Variants in NAV3 observed in about 807,000 individuals in gnomAD.
NAV3 encodes neuron navigator 3, also known as pore membrane and/or filament interacting like protein 1.
Under a neutral mutation model 244.7 loss-of-function variants are expected in NAV3, and 87 were observed. That is an observed-to-expected ratio of 0.36 (90% confidence interval 0.30 to 0.42). The LOEUF is 0.42. NAV3 is among the 20% of genes least tolerant of loss of function. The pLI, the probability that NAV3 is intolerant of heterozygous loss-of-function variation, is 1.00. For missense variants in NAV3, 2,663 were observed against 2,893.3 expected, an observed-to-expected ratio of 0.92 and a Z score of 1.83; for synonymous variants, 1,126 against 1,042.2, an observed-to-expected ratio of 1.08 and a Z score of -1.55.
intron 28 of NAV3, 84 bp from the exon 29 acceptor site, chr12:78,179,445 G>A: frequency 1.3e-6 from 2 of 1,508,990 alleles, no homozygotes; most frequent in Non-Finnish European, 1.8e-6. Context: ...GGAGAATATT[G>A]CAGTGCAGCC....
intron 2 of NAV3, among the ~76,000 whole-genome samples, chr12:77,601,716 A>T (rs1246676670): frequency 6.6e-6 from 1 of 152,000 alleles, no homozygotes; most frequent in Non-Finnish European, 1.5e-5. Flanking sequence ...CATGTTTTAT[A>T]GAAGATTATA....
At chr12:77,672,001 A>AAGATTT (rs1555193071) in intron 2 of NAV3, among the ~76,000 whole-genome samples, 36 of 152,238 alleles carry the variant, frequency 2.4e-4, no homozygotes, top group Non-Finnish European at 1.5e-5. Flanking sequence ...TTCACAATCT[A>AAGATTT]TGCCTCCGAC....
Position 78,050,744 on chromosome 12 carries a change from T to G in NAV3, c.2133-20T>G. 6.4e-7 allele frequency: 1 copy of G among 1,566,754 alleles called. No individual in the cohort carries two copies. The highest frequency in any genetic ancestry group is 1.8e-5 in the Admixed American group (1 of 56,726). On this transcript the variant is annotated intron_variant, in intron 10 of 39. Transcript: ENST00000397909. ...CCTAAGTGAACCAGAGTATAGTTATTTCTCCATTTTATTTGACAGCACCCT... is the reference window on the plus strand; with the variant it reads ...CCTAAGTGAACCAGAGTATAGTTATGTCTCCATTTTATTTGACAGCACCCT...
intron 2 of NAV3, among the ~76,000 whole-genome samples, chr12:77,628,241 A>G (rs1592518787): frequency 6.6e-6 from 1 of 152,244 alleles, no homozygotes; most frequent in East Asian, 1.9e-4. Context: ...GTATGCAGGT[A>G]TTAAAATATC....
chr12:78,016,242 T>C (rs1459382427), intron 8 of NAV3, among the ~76,000 whole-genome samples: 1 of 152,140 alleles, frequency 6.6e-6, no homozygotes, highest in Non-Finnish European at 1.5e-5. Context: ...GAAATTTATG[T>C]ATGCATACAC....
intron 9 of NAV3, chr12:78,036,673 A>C (rs1249348308): frequency 5.8e-6 from 3 of 513,010 alleles, no homozygotes; most frequent in Non-Finnish European, 1.0e-5. Context: ...GCTGATTAGT[A>C]AAGTGATGTG....
chr12:77,918,436 C>T lies in NAV3; in HGVS notation c.244-21883C>T, dbSNP rs566894133. Among the ~76,000 whole-genome samples, 5 of 152,184 alleles carry T rather than the reference C, an allele frequency of 3.3e-5. No individual in the cohort carries two copies. In the South Asian group the frequency reaches 1.0e-3, roughly 32 times the overall value. On this transcript the variant is annotated intron_variant, in intron 1 of 39. Transcript: ENST00000397909. ...GTTAGCTACTGATTTTCTTAGCACA[C>T]CCACACCTAGCATAGTTATTGGAAA...
intron 5 of NAV3, among the ~76,000 whole-genome samples, chr12:77,978,646 C>T (rs969156468): frequency 6.6e-6 from 1 of 151,736 alleles, no homozygotes; most frequent in African/African-American, 2.4e-5. Context: ...AAAAACTAAC[C>T]TCATCTCAAT....
intron 2 of NAV3, among the ~76,000 whole-genome samples, chr12:77,745,187 G>A (rs754572623): frequency 6.6e-6 from 1 of 152,016 alleles, no homozygotes; most frequent in African/African-American, 2.4e-5. Flanking sequence ...TAATATCTGA[G>A]TATCAAATTA....
chr12:77,869,986 A>G (rs1169147132), intron 1 of NAV3, among the ~76,000 whole-genome samples: 1 of 152,166 alleles, frequency 6.6e-6, no homozygotes, highest in Non-Finnish European at 1.5e-5. Context: ...TTTTGTTGTT[A>G]CTCAACTCAA....
chr12:77,653,787 T>G (rs1872937601), intron 2 of NAV3, among the ~76,000 whole-genome samples: 1 of 151,986 alleles, frequency 6.6e-6, no homozygotes, highest in South Asian at 2.1e-4. Context: ...TTCTTACATA[T>G]AAACACATAT....
intron 2 of NAV3, among the ~76,000 whole-genome samples, chr12:77,810,829 CTTAAG>C (rs1872252462): frequency 6.6e-6 from 1 of 152,092 alleles, no homozygotes; most frequent in African/African-American, 2.4e-5. Flanking sequence ...AAGTTGGTTT[CTTAAG>C]TTATCACTTA....
chr12:77,978,385 A>G (rs1052651518), intron 5 of NAV3, among the ~76,000 whole-genome samples: 2 of 152,284 alleles, frequency 1.3e-5, no homozygotes, highest in Admixed American at 6.5e-5. Context: ...GATATTTTCT[A>G]TCAAACACTA....
At chr12:77,663,324 A>G (rs1873554865) in intron 2 of NAV3, among the ~76,000 whole-genome samples, 1 of 152,234 alleles carries the variant, frequency 6.6e-6, no homozygotes, top group South Asian at 2.1e-4. Flanking sequence ...TCGCTTTTTA[A>G]GTCAAAAACA....
chr12:77,745,157 G>T (rs1240439313), intron 2 of NAV3, among the ~76,000 whole-genome samples: 2 of 151,980 alleles, frequency 1.3e-5, no homozygotes, highest in Non-Finnish European at 2.9e-5. Flanking sequence ...CCTAAGGGTT[G>T]CAGTAATTTT....
At chr12:77,862,728 T>C (rs76340886) in intron 1 of NAV3, among the ~76,000 whole-genome samples, 7,090 of 151,926 alleles carry the variant, frequency 0.047, 225 homozygotes, top group Non-Finnish European at 0.069. Context: ...TATCATTTCA[T>C]CGGTGGTGAT....
chr12:77,844,224 A>G (rs1592759655), intron 1 of NAV3, among the ~76,000 whole-genome samples: 2 of 152,166 alleles, frequency 1.3e-5, no homozygotes, highest in African/African-American at 4.8e-5. Context: ...CCAAAATGGC[A>G]CATTGTTTCT....
intron 1 of NAV3, among the ~76,000 whole-genome samples, chr12:77,889,869 T>C (rs1411306173): frequency 6.6e-6 from 1 of 152,162 alleles, no homozygotes; most frequent in Non-Finnish European, 1.5e-5. Context: ...TCTGGTATAT[T>C]TTTCAGGGTA....
chr12:77,826,482 ACTCTGTCCC>A (rs1873020248), upstream of NAV3, among the ~76,000 whole-genome samples: 3 of 152,014 alleles, frequency 2.0e-5, no homozygotes, highest in African/African-American at 7.2e-5. Context: ...ACAGAGCGTG[ACTCTGTCCC>A]CCTCCCCCCA....
Sources: allele counts gnomAD v4.1 joint callset (sites outside exome capture counted in the v4.1 genomes callset), GRCh38; gene constraint gnomAD v4.1.1; transcripts MANE v1.5; gene names NCBI Gene and HGNC (gene_info 2026-07-23, HGNC 2026-07-21).